The following ZNF232 variants were observed in gnomAD, a reference collection of about 807,000 sequenced individuals.
ZNF232 encodes the protein zinc finger protein 232, also known as zinc finger and SCAN domain-containing protein 11.
ZNF232 carries 25 observed loss-of-function variants against 25.2 expected under a neutral mutation model. That is an observed-to-expected ratio of 0.99 (90% CI 0.72 to 1.39). ZNF232 has a LOEUF of 1.39. ZNF232 is among the 40% of genes most tolerant of loss of function. The pLI is 0.00. For missense variants in ZNF232, 519 were observed against 520.9 expected (o/e 1.00, Z 0.04); for synonymous variants, 193 against 182.9 (o/e 1.06, Z -0.45).
At chr17:5,121,047 G>A (rs1442691461) in intron 1 of ZNF232, among the ~76,000 whole-genome samples, 2 of 152,230 alleles carry the variant, frequency 1.3e-5, no homozygotes, top group African/African-American at 4.8e-5. Flanking sequence ...GCTGTTTACA[G>A]GATGTGTGTA....
chr17:5,106,123 G>A, exon 4 of ZNF232: 1 of 1,614,154 alleles, frequency 6.2e-7, no homozygotes, highest in Non-Finnish European at 8.5e-7. Context: ...TGCTGACCGA[G>A]GTTTGAGCTC....
upstream of ZNF232, chr17:5,116,404 T>C (rs1219805154): frequency 7.1e-6 from 1 of 141,682 alleles, no homozygotes; most frequent in Non-Finnish European, 1.6e-5. Flanking sequence ...GACAAGCCGC[T>C]GGGGGAGAGG....
At chr17:5,110,375 A>T (rs1278221321) in intron 1 of ZNF232, among the ~76,000 whole-genome samples, 1 of 152,188 alleles carries the variant, frequency 6.6e-6, no homozygotes, top group Non-Finnish European at 1.5e-5. Flanking sequence ...GGTTTTCTAT[A>T]ATACAACTAA....
At chr17:5,112,166 A>G (rs1364960707), upstream of ZNF232, 3 of 399,422 alleles carry the variant, frequency 7.5e-6, no homozygotes, top group Non-Finnish European at 1.3e-5. Context: ...GTGGAATTGT[A>G]CCTGAAGGGC....
chr17:5,105,804 G>A, exon 4 of ZNF232: 1 of 1,544,960 alleles, frequency 6.5e-7, no homozygotes. Flanking sequence ...ATTCTGTCTG[G>A]AGACGTTCTC....
chr17:5,109,826 C>T (rs772027643), exon 2 of ZNF232: 3 of 1,614,020 alleles, frequency 1.9e-6, no homozygotes. Context: ...TCTGCACTAG[C>T]TCTGCAGAAG....
At chr17:5,121,330 T>G in intron 1 of ZNF232, 1 of 343,160 alleles carries the variant, frequency 2.9e-6, no homozygotes, top group Non-Finnish European at 5.7e-6. Context: ...TGTGCCCCAC[T>G]TCTGAAAATC....
chr17:5,120,661 A>C, intron 1 of ZNF232: 1 of 395,700 alleles, frequency 2.5e-6, no homozygotes, highest in Non-Finnish European at 5.0e-6. Flanking sequence ...GTGGATGAGG[A>C]TGTCAGTGTG....
chr17:5,116,740 T>C (rs1021424729), upstream of ZNF232: 4 of 152,256 alleles, frequency 2.6e-5, no homozygotes, highest in Non-Finnish European at 4.4e-5. Context: ...ACTTACTAGT[T>C]GTGAGTCTTT....
chr17:5,106,222 T>C lies in ZNF232; in HGVS notation c.910A>G (p.Ile304Val), dbSNP rs1286260361. The C allele has an allele frequency of 1.9e-6, 3 of 1,614,146 alleles. No homozygotes were observed. The African/African-American group carries it at 4.0e-5, about 22-fold the overall frequency. The change falls in exon 4 of 4, where the codon ATT becomes GTT. Residue 304 changes from isoleucine to valine, a missense_variant. Transcript: ENST00000575898. ...TGGACAACAAGATGTGAGTTATAAA[T>C]GAAGGTTTTACCACATTCACTACAT...
At chr17:5,114,435 G>C (rs2072482861), upstream of ZNF232, 1 of 152,330 alleles carries the variant, frequency 6.6e-6, no homozygotes, top group African/African-American at 2.4e-5. Flanking sequence ...TGAATTCTTT[G>C]ATGCTGAATA....
chr17:5,119,776 G>T (rs2072610426), intron 1 of ZNF232, among the ~76,000 whole-genome samples: 1 of 152,164 alleles, frequency 6.6e-6, no homozygotes, highest in Non-Finnish European at 1.5e-5. Flanking sequence ...CACTACAAGT[G>T]ACTCACAGCC....
chr17:5,106,090 T>C, exon 4 of ZNF232: 4 of 1,614,208 alleles, frequency 2.5e-6, no homozygotes, highest in Non-Finnish European at 3.4e-6. Flanking sequence ...TCGAAGGGTT[T>C]CTCTCCTGTA....
chr17:5,122,400 A>C (rs2072706345), intron 1 of ZNF232, among the ~76,000 whole-genome samples: 1 of 152,178 alleles, frequency 6.6e-6, no homozygotes, highest in South Asian at 2.1e-4. Context: ...AAGGGTGATC[A>C]GGCCTTCAGC....
At chr17:5,115,577 A>ACACACACACACACACACACACACAC (rs1567761979), upstream of ZNF232, among the ~76,000 whole-genome samples, 8 of 79,042 alleles carry the variant, frequency 1.0e-4, no homozygotes, top group African/African-American at 4.0e-4. Flanking sequence ...CACACACACA[A>ACACACACACACACACACACACACAC]AACCCAAAAC....
chr17:5,115,194 C>T (rs1354432345), upstream of ZNF232, among the ~76,000 whole-genome samples: 2 of 102,348 alleles, frequency 2.0e-5, no homozygotes, highest in African/African-American at 3.8e-5. Flanking sequence ...GGGGGTGGGG[C>T]GGTGGGTGGG....
intron 1 of ZNF232, chr17:5,120,542 C>T (rs908774838): frequency 2.9e-6 from 1 of 350,826 alleles, no homozygotes; most frequent in Non-Finnish European, 5.6e-6. Flanking sequence ...TCATCTGCAC[C>T]TGTCTCTCCG....
chr17:5,114,895 G>A (rs2072492937), upstream of ZNF232: 1 of 152,224 alleles, frequency 6.6e-6, no homozygotes, highest in Admixed American at 6.5e-5. Context: ...GCCATGTGAG[G>A]ACCCTGTGAG....
exon 4 of ZNF232, chr17:5,106,163 C>A (rs1330144965): frequency 1.9e-6 from 3 of 1,614,048 alleles, no homozygotes; most frequent in South Asian, 1.1e-5. Context: ...AGTCACTACA[C>A]TTATAGGGTT....
Sources: gnomAD v4.1 joint callset for allele counts (sites outside exome capture counted in the v4.1 genomes callset) on GRCh38, gnomAD v4.1.1 for gene constraint, MANE v1.5 for transcripts, NCBI Gene and HGNC (gene_info 2026-07-23, HGNC 2026-07-21) for gene names.